The following GABARAPL1 variants were observed in gnomAD, a reference collection of about 807,000 sequenced individuals.
GABARAPL1 encodes the protein gamma-aminobutyric acid receptor-associated protein-like 1.
GABARAPL1 carries 4 observed loss-of-function variants against 14.5 expected under a neutral mutation model. The ratio of observed to expected loss-of-function variants is 0.28; its 90% CI spans 0.14 to 0.63. The LOEUF (loss-of-function observed/expected upper bound fraction) is 0.63. GABARAPL1 is among the 30% of genes least tolerant of loss of function. The pLI is 0.84. For missense variants in GABARAPL1, 82 were observed against 139.2 expected (o/e 0.59, Z 2.07); for synonymous variants, 47 against 50.6 (o/e 0.93, Z 0.30).
intron 1 of GABARAPL1, among the ~76,000 whole-genome samples, chr12:10,216,505 A>T (rs1592004323): frequency 6.2e-5 from 8 of 128,346 alleles, no homozygotes; most frequent in Admixed American, 7.7e-5. Flanking sequence ...CATTTCCCAT[A>T]TGTTCTAACT....
chr12:10,213,339 A>T, intron 1 of GABARAPL1, 120 bp downstream of exon 1: 1 of 719,800 alleles, frequency 1.4e-6, no homozygotes, highest in Non-Finnish European at 2.6e-6. Flanking sequence ...TCCGAGAATT[A>T]CTTAATCCTG....
intron 3 of GABARAPL1, 96 bp downstream of exon 3, chr12:10,220,654 T>G: frequency 1.3e-6 from 2 of 1,583,846 alleles, no homozygotes; most frequent in Non-Finnish European, 1.7e-6. Flanking sequence ...ATCTGAGAAG[T>G]GGGGCAGAAG....
chr12:10,220,685 C>A lies in GABARAPL1; in HGVS notation c.288+127C>A, dbSNP rs1949116163. The A allele has an allele frequency of 3.9e-6, 6 of 1,552,020 alleles. No individual in the cohort carries two copies. The East Asian group carries it at 1.5e-4, about 38-fold the overall frequency. On this transcript the variant is annotated intron_variant, in intron 3 of 3. Transcript: ENST00000266458. Reference sequence around the variant, plus strand: ...AGAAGGTGTTATTTATCCGGATCCTCTTACATATGGCAGTGTAAGGCTCTG... The same window carrying A: ...AGAAGGTGTTATTTATCCGGATCCTATTACATATGGCAGTGTAAGGCTCTG...
Position 10,213,032 on chromosome 12 carries a change from T to G in GABARAPL1, c.-98T>G. ...CCCGGAGCGGACGTTTCTGCAGCTATTCTGAGCACACCTTGACGTCGGCTG... is the reference window on the plus strand; with the variant it reads ...CCCGGAGCGGACGTTTCTGCAGCTAGTCTGAGCACACCTTGACGTCGGCTG... On this transcript the variant is annotated 5_prime_UTR_variant, in exon 1 of 4. Transcript: ENST00000266458. 1.4e-6 allele frequency: 1 copy of G among 730,444 alleles called. No homozygotes were observed. Among genetic ancestry groups the G allele is most frequent in the Non-Finnish European group, 2.4e-6 (1 of 414,104 alleles). The allele number at this position is 730,444 out of a possible 1,614,324, so 45.2% of individuals were successfully genotyped here.
chr12:10,222,062 C>T lies in GABARAPL1; in HGVS notation c.*210C>T. The T allele has an allele frequency of 1.8e-6, 1 of 566,116 alleles. No individual in the cohort carries two copies. The highest frequency in any genetic ancestry group is 3.2e-6 in the Non-Finnish European group (1 of 314,082). 35.1% of individuals were successfully genotyped at this position (566,116 alleles called of 1,614,324 possible). On this transcript the variant is annotated 3_prime_UTR_variant, in exon 4 of 4. Transcript: ENST00000266458. ...TCCTCGGCCCAGGGAGAAAGCATGT[C>T]AGGACAGAGCTGTTGGATTGGCTTT...
At position 10,220,678 on chromosome 12, in the gene GABARAPL1, G is replaced by A. The variant is rs771644057; in HGVS notation, c.288+120G>A. 12 of 1,556,348 alleles carry A rather than the reference G, an allele frequency of 7.7e-6. No individual in the cohort carries two copies. In the South Asian group the frequency reaches 8.2e-5, roughly 11 times the overall value. ...GTGGGGCAGAAGGTGTTATTTATCC[G>A]GATCCTCTTACATATGGCAGTGTAA... On this transcript the variant is annotated intron_variant, in intron 3 of 3. Transcript: ENST00000266458.
At chr12:10,213,648 G>A (rs1293385496) in intron 1 of GABARAPL1, 2 of 345,280 alleles carry the variant, frequency 5.8e-6, no homozygotes, top group East Asian at 7.6e-5. Flanking sequence ...GTCGATTTCT[G>A]CCTTGGCTGG....
rs534160216 is a variant in GABARAPL1 at position 10,218,051 on chromosome 12, C to T, written c.91-12C>T. ...TGTAGTTTTCATTCCTACTCTCCTCCTCTTCTTCCAGGTGATTGTAGAGAA... is the reference window on the plus strand; with the variant it reads ...TGTAGTTTTCATTCCTACTCTCCTCTTCTTCTTCCAGGTGATTGTAGAGAA... On this transcript the variant is annotated splice_polypyrimidine_tract_variant and intron_variant, in intron 1 of 3. Transcript: ENST00000266458. 3 of 1,551,166 alleles carry T rather than the reference C, an allele frequency of 1.9e-6. No homozygotes were observed. Among genetic ancestry groups the T allele is most frequent in the East Asian group, 2.2e-5 (1 of 44,606 alleles).
chr12:10,221,588 G>A (rs1021532427), intron 3 of GABARAPL1, 199 bp from the exon 4 acceptor site: 1 of 479,648 alleles, frequency 2.1e-6, no homozygotes, highest in African/African-American at 2.1e-5. Flanking sequence ...TGTGTAATAT[G>A]TTTTCAATGA....
intron 1 of GABARAPL1, 55 bp from the exon 2 acceptor site, chr12:10,218,008 A>G (rs1949100187): frequency 9.1e-7 from 1 of 1,094,500 alleles, no homozygotes; most frequent in Non-Finnish European, 1.4e-6. Flanking sequence ...GTAGAAGGAA[A>G]AATACTAGAT....
intron 3 of GABARAPL1, 158 bp from the exon 4 acceptor site, chr12:10,221,629 A>C (rs750710605): frequency 8.0e-6 from 4 of 499,704 alleles, no homozygotes; most frequent in Non-Finnish European, 1.0e-5. Context: ...CAGAGCTCAA[A>C]GTGTAATTCC....
chr12:10,216,613 C>T (rs1176264748), intron 1 of GABARAPL1, among the ~76,000 whole-genome samples: 2 of 146,222 alleles, frequency 1.4e-5, no homozygotes, highest in Admixed American at 1.4e-4. Flanking sequence ...GATCTTGGCT[C>T]ACCGCAACCT....
chr12:10,215,449 G>A (rs1327951467), intron 1 of GABARAPL1, among the ~76,000 whole-genome samples: 2 of 152,174 alleles, frequency 1.3e-5, no homozygotes, highest in African/African-American at 4.8e-5. Flanking sequence ...ACCCTACTGA[G>A]TATTAGTCAC....
intron 2 of GABARAPL1, among the ~76,000 whole-genome samples, chr12:10,219,367 A>G (rs778845927): frequency 2.3e-4 from 35 of 152,080 alleles, no homozygotes; most frequent in Non-Finnish European, 4.4e-4. Context: ...GGCTTTGTTA[A>G]TTGTGATATC....
At position 10,218,156 on chromosome 12, in the gene GABARAPL1, C is replaced by G. The variant is rs772352999; in HGVS notation, c.169+15C>G. On this transcript the variant is annotated intron_variant, in intron 2 of 3. Coordinates refer to ENST00000266458, the MANE Select transcript of GABARAPL1 (RefSeq NM_031412.4). Reference sequence around the variant, plus strand: ...TGACCTTACTGGTAATGCTCTTTGCCTTCCCTGACCCTTCCTCCGGTGAAA... The same window carrying G: ...TGACCTTACTGGTAATGCTCTTTGCGTTCCCTGACCCTTCCTCCGGTGAAA... The G allele has an allele frequency of 6.7e-7, 1 of 1,502,240 alleles. No homozygotes were observed. The highest frequency in any genetic ancestry group is 1.4e-5 in the African/African-American group (1 of 72,852). 93.1% of individuals were successfully genotyped at this position (1,502,240 alleles called of 1,614,324 possible).
chr12:10,219,339 A>C (rs887447684), intron 2 of GABARAPL1, among the ~76,000 whole-genome samples: 7 of 151,720 alleles, frequency 4.6e-5, no homozygotes, highest in African/African-American at 1.7e-4. Context: ...AAAACAAAAA[A>C]AAAAAACCCC....
intron 2 of GABARAPL1, among the ~76,000 whole-genome samples, chr12:10,219,061 G>A (rs897477861): frequency 2.7e-5 from 4 of 150,442 alleles, no homozygotes; most frequent in Admixed American, 2.0e-4. Flanking sequence ...GCTCACGCCT[G>A]TAATCCCAGC....
At chr12:10,219,524 G>C (rs554890550) in intron 2 of GABARAPL1, among the ~76,000 whole-genome samples, 1 of 152,228 alleles carries the variant, frequency 6.6e-6, no homozygotes, top group Admixed American at 6.5e-5. Context: ...ATTCATTGTT[G>C]GGTGTGGTGG....
At position 10,219,274 on chromosome 12, in the gene GABARAPL1, G is replaced by A. The variant is rs528015831; in HGVS notation, c.169+1133G>A. Among the ~76,000 whole-genome samples the A allele has an allele frequency of 4.0e-5, 6 of 148,546 alleles. No homozygotes were observed. The South Asian group carries it at 6.5e-4, about 16-fold the overall frequency. On this transcript the variant is annotated intron_variant, in intron 2 of 3. Transcript: ENST00000266458. ...GCAGAGGTTGCAGTGAGCCGAGATC[G>A]CACCACTGCACTCCAGGCTGAGTGA...
Sources: allele counts gnomAD v4.1 joint callset (sites outside exome capture counted in the v4.1 genomes callset), GRCh38; gene constraint gnomAD v4.1.1; transcripts MANE v1.5; gene names NCBI Gene and HGNC (gene_info 2026-07-23, HGNC 2026-07-21).